Variants in ESRP1 observed in about 807,000 individuals in gnomAD.
ESRP1 encodes the protein RNA-binding motif protein 35A.
A neutral mutation model predicts 81.7 loss-of-function variants in ESRP1; 33 were observed. That is an observed-to-expected ratio of 0.40 (90% CI 0.31 to 0.54). The LOEUF (loss-of-function observed/expected upper bound fraction) is 0.54. Ranked by LOEUF, ESRP1 falls within the 20% of genes least tolerant of loss-of-function variation. The pLI, the probability that ESRP1 is intolerant of heterozygous loss-of-function variation, is 0.41. For missense variants in ESRP1, 672 were observed against 833.1 expected (o/e 0.81, Z 2.38); for synonymous variants, 320 against 303.3 (o/e 1.06, Z -0.57).
intron 10 of ESRP1, among the ~76,000 whole-genome samples, chr8:94,669,115 G>T (rs1245431602): frequency 6.6e-6 from 1 of 152,100 alleles, no homozygotes; most frequent in Non-Finnish European, 1.5e-5. Context: ...ACAAAATGAG[G>T]CAATCACTTC....
At position 94,665,014 on chromosome 8, in the gene ESRP1, A is replaced by G. The variant is rs993596589; in HGVS notation, c.843A>G (p.Leu281=). ...TTGTAAGTGAGGAGCACCGAGACCT[A>G]GCACTACAGAGGCACAAACATCACA... The part of the protein sequence containing the change: ...VRFVSEEHRD[L]ALQRHKHHMG... The change falls in exon 8 of 16, where the codon CTA becomes CTG. Residue 281 remains leucine (L), a synonymous_variant. Transcript: ENST00000433389. 1.1e-5 allele frequency: 17 copies of G among 1,609,618 alleles called. No homozygotes were observed. In the African/African-American group the frequency reaches 2.3e-4, roughly 22 times the overall value.
intron 15 of ESRP1, among the ~76,000 whole-genome samples, chr8:94,699,724 G>A (rs763396590): frequency 2.0e-5 from 3 of 151,976 alleles, no homozygotes; most frequent in Non-Finnish European, 4.4e-5. Context: ...CTAGGAGATA[G>A]GATTATAAAA....
intron 13 of ESRP1, 47 bp downstream of exon 13, chr8:94,678,418 C>A: frequency 6.3e-7 from 1 of 1,585,102 alleles, no homozygotes; most frequent in African/African-American, 1.3e-5. Context: ...ACAAAGGACT[C>A]CTTTGATAGC....
rs1586208617 is a variant in ESRP1 at position 94,668,085 on chromosome 8, G to A, written c.1068G>A (p.Lys356=). Residue 356 remains lysine, a synonymous_variant, in exon 10 of 16, where the codon AAG becomes AAA. Coordinates refer to ENST00000433389, the MANE Select transcript of ESRP1 (RefSeq NM_017697.4). ...AGCATTGCCCTATTACTGGGGGAAA[G>A]GAAGGCATCCTCTTTGTCACCTACC... ...FGQHCPITGG[K]EGILFVTYPD... is the part of the protein sequence containing the mutation. The A allele has an allele frequency of 1.9e-6, 3 of 1,614,010 alleles. No homozygotes were observed. In the East Asian group the frequency reaches 6.7e-5, roughly 36 times the overall value.
chr8:94,694,464 C>T (rs1040218293), intron 14 of ESRP1, among the ~76,000 whole-genome samples: 1 of 152,082 alleles, frequency 6.6e-6, no homozygotes, highest in African/African-American at 2.4e-5. Flanking sequence ...ACTAGCCAGG[C>T]GTGGTGGCAT....
At chr8:94,664,554 T>TA (rs1383567333) in intron 6 of ESRP1, 143 bp from the exon 7 acceptor site, 2 of 639,208 alleles carry the variant, frequency 3.1e-6, no homozygotes, top group Non-Finnish European at 5.6e-6. Flanking sequence ...TTTGAGGTTA[T>TA]AAGGAAAATC....
At chr8:94,702,416 G>A (rs958311271) in intron 15 of ESRP1, among the ~76,000 whole-genome samples, 2 of 152,096 alleles carry the variant, frequency 1.3e-5, no homozygotes, top group Admixed American at 1.3e-4. Context: ...ATTTACCTCT[G>A]TCTGGACGGT....
chr8:94,705,843 A>C, intron 15 of ESRP1, 82 bp from the exon 16 acceptor site: 4 of 1,251,602 alleles, frequency 3.2e-6, no homozygotes, highest in Non-Finnish European at 3.3e-6. Context: ...GTGGAATTTG[A>C]AATCATTTTT....
intron 7 of ESRP1, 35 bp downstream of exon 7, chr8:94,664,842 T>C (rs749322470): frequency 1.2e-6 from 2 of 1,611,344 alleles, no homozygotes; most frequent in Non-Finnish European, 1.7e-6. Context: ...TACTTAACAA[T>C]CCCAAAGGGA....
intron 6 of ESRP1, among the ~76,000 whole-genome samples, chr8:94,664,223 A>T (rs1439657862): frequency 6.7e-6 from 1 of 149,402 alleles, no homozygotes; most frequent in East Asian, 2.0e-4. Context: ...TCCCAGGTTC[A>T]AGTGATTTTC....
At position 94,667,491 on chromosome 8, in the gene ESRP1, G is replaced by A. The variant is rs907543763; in HGVS notation, c.932-458G>A. ...AGATGGTTTTCTTGGGAGCAAAAGA[G>A]TAATCAGGAAAAGATTTTTTTAACC... On this transcript the variant is annotated intron_variant, in intron 9 of 15. Coordinates refer to ENST00000433389, the MANE Select transcript of ESRP1 (RefSeq NM_017697.4). Among the ~76,000 whole-genome samples the A allele has an allele frequency of 3.3e-5, 5 of 151,004 alleles. No individual in the cohort carries two copies. The East Asian group carries it at 9.7e-4, about 29-fold the overall frequency.
At chr8:94,661,053 T>C (rs74638387) in intron 4 of ESRP1, among the ~76,000 whole-genome samples, 1 of 152,174 alleles carries the variant, frequency 6.6e-6, no homozygotes, top group African/African-American at 2.4e-5. Flanking sequence ...TGTTGTTTTT[T>C]ATTTTTGGAG....
chr8:94,650,255 TTTGTTTTG>T (rs888102186), intron 4 of ESRP1, among the ~76,000 whole-genome samples: 5 of 79,472 alleles, frequency 6.3e-5, no homozygotes, highest in Admixed American at 1.6e-4. Flanking sequence ...AATTTTTTTG[TTTGTTTTG>T]TTTTTTTTTA....
At chr8:94,683,083 T>C (rs908984955) in intron 13 of ESRP1, among the ~76,000 whole-genome samples, 23 of 150,602 alleles carry the variant, frequency 1.5e-4, no homozygotes, top group African/African-American at 5.6e-4. Context: ...TAGCTGAATT[T>C]ACAGGCATGT....
chr8:94,662,452 T>C, intron 5 of ESRP1, 49 bp from the exon 6 acceptor site: 1 of 1,566,536 alleles, frequency 6.4e-7, no homozygotes, highest in Non-Finnish European at 8.7e-7. Flanking sequence ...CTCCTACAAC[T>C]TTGTCTCCCT....
Position 94,646,201 on chromosome 8 carries a change from T to G in ESRP1, c.409T>G (p.Phe137Val). The G allele has an allele frequency of 6.2e-7, 1 of 1,612,434 alleles. No individual in the cohort carries two copies. Among genetic ancestry groups the G allele is most frequent in the South Asian group, 1.1e-5 (1 of 90,900 alleles). ...ATTACCTGAATGCTTCTATTCCTTT[T>G]TTGATCTTCGAAAAGAATTCAAGAA... ...VLLPECFYSF[F>V]DLRKEFKKCC... Residue 137 changes from phenylalanine to valine, a missense_variant, in exon 4 of 16, where the codon TTT (phenylalanine) becomes GTT (valine). By Grantham distance (50) the Phe-to-Val change is conservative (BLOSUM62 -1). Transcript: ENST00000433389.
At chr8:94,654,745 G>GACCCT (rs977023173) in intron 4 of ESRP1, among the ~76,000 whole-genome samples, 1 of 151,984 alleles carries the variant, frequency 6.6e-6, no homozygotes, top group African/African-American at 2.4e-5. Context: ...AACACAGGGA[G>GACCCT]ACCCTGTCTC....
At position 94,668,101 on chromosome 8, in the gene ESRP1, G is replaced by A. The variant is rs944457785; in HGVS notation, c.1084G>A (p.Val362Ile). Residue 362 changes from valine (V) to isoleucine (I), a missense_variant, in exon 10 of 16, where the codon GTC (valine) becomes ATC (isoleucine). Coordinates refer to ENST00000433389, the MANE Select transcript of ESRP1 (RefSeq NM_017697.4). ...TGGGGGAAAGGAAGGCATCCTCTTT[G>A]TCACCTACCCAGATGGTAGGCCAAC... The part of the protein sequence containing the change: ...ITGGKEGILF[V>I]TYPDGRPTGD... 3.1e-6 allele frequency: 5 copies of A among 1,613,862 alleles called. No homozygotes were observed. Among genetic ancestry groups the A allele is most frequent in the African/African-American group, 2.7e-5 (2 of 74,926 alleles).
rs1809447044 is a variant in ESRP1, at chr8:94,692,608, T to C, written c.1821-69T>C. 4.7e-6 allele frequency: 7 copies of C among 1,495,646 alleles called. No individual in the cohort carries two copies. The South Asian group carries it at 5.0e-5, about 11-fold the overall frequency. 92.6% of individuals were successfully genotyped at this position (1,495,646 alleles called of 1,614,324 possible). On this transcript the variant is annotated intron_variant, in intron 13 of 15. Transcript: ENST00000433389. ...GAGAAATTCTGTTTCCTTAAGTAAC[T>C]AATGTTTTTATAGTAAGTATTCAAC...
Sources: gnomAD v4.1 joint callset for allele counts (sites outside exome capture counted in the v4.1 genomes callset) on GRCh38, gnomAD v4.1.1 for gene constraint, MANE v1.5 for transcripts, NCBI Gene and HGNC (gene_info 2026-07-23, HGNC 2026-07-21) for gene names.